Variants in ROBO1 observed in about 807,000 individuals in gnomAD.
ROBO1 encodes roundabout guidance receptor 1, also known as roundabout homolog 1.
In ROBO1, 149 loss-of-function variants were observed where a neutral mutation model predicts 195.9. The observed-to-expected ratio is 0.76, with a 90% CI of 0.67 to 0.87. ROBO1 has a LOEUF of 0.87. ROBO1 is among the 40% of genes least tolerant of loss of function. The pLI, the probability that ROBO1 is intolerant of heterozygous loss-of-function variation, is 0.00. For missense variants in ROBO1, 1,933 were observed against 2,068.3 expected (o/e 0.93, Z 1.27); for synonymous variants, 816 against 733.2 (o/e 1.11, Z -1.82).
At chr3:79,127,019 A>G (rs1330756319) in intron 2 of ROBO1, among the ~76,000 whole-genome samples, 1 of 152,104 alleles carries the variant, frequency 6.6e-6, no homozygotes, top group Non-Finnish European at 1.5e-5. Context: ...AAAAAAAAAA[A>G]AAAGTTAAGA....
chr3:78,935,370 G>C (rs1413880802), intron 4 of ROBO1, among the ~76,000 whole-genome samples: 1 of 152,002 alleles, frequency 6.6e-6, no homozygotes, highest in South Asian at 2.1e-4. Context: ...AGATGATGTA[G>C]AGAGCCATGT....
Position 78,598,143 on chromosome 3 carries a change from C to T in ROBO1, c.*770G>A, listed in dbSNP as rs1338370236. 6.6e-6 allele frequency: 1 copy of T among 152,476 alleles called. No homozygotes were observed. The highest frequency in any genetic ancestry group is 1.5e-5 in the Non-Finnish European group (1 of 68,006). The allele number at this position is 152,476 out of a possible 1,614,324, so 9.4% of individuals were successfully genotyped here. ...TGTTTGTAATACGTATTTATAATTA[C>T]TTTTTGATGATTGAAAAATAGAACA... On this transcript the variant is annotated 3_prime_UTR_variant, in exon 31 of 31. Transcript: ENST00000464233.
At chr3:79,474,995 TTGTC>T (rs1200769189) in intron 2 of ROBO1, among the ~76,000 whole-genome samples, 4 of 151,984 alleles carry the variant, frequency 2.6e-5, no homozygotes, top group African/African-American at 9.7e-5. Context: ...CTGGCTGAAA[TTGTC>T]TTAGAAGGAT....
chr3:78,720,145 C>T (rs2082006548), intron 5 of ROBO1, among the ~76,000 whole-genome samples: 1 of 152,132 alleles, frequency 6.6e-6, no homozygotes, highest in Admixed American at 6.6e-5. Flanking sequence ...TGTCAGTCCC[C>T]TGACCTTAGT....
intron 4 of ROBO1, among the ~76,000 whole-genome samples, chr3:78,787,451 G>C (rs77376822): frequency 0.02 from 3,114 of 152,274 alleles, 100 homozygotes; most frequent in African/African-American, 0.07. Flanking sequence ...GAAGCAAGAT[G>C]TCGATGATTT....
At chr3:79,117,525 G>A (rs534960586) in intron 3 of ROBO1, among the ~76,000 whole-genome samples, 3 of 152,220 alleles carry the variant, frequency 2.0e-5, no homozygotes, top group Non-Finnish European at 2.9e-5. Flanking sequence ...AATAGAGTGC[G>A]CCTGACCTGG....
Position 79,345,463 on chromosome 3 carries a change from T to C in ROBO1, c.89-219924A>G, listed in dbSNP as rs557157778. ...CTTCTTCCTTTTATCTAGATGGCTT[T>C]TGCTCTCTGGGGGCAAACGATTCCA... On this transcript the variant is annotated intron_variant, in intron 2 of 30. Coordinates refer to ENST00000464233, the MANE Select transcript of ROBO1 (RefSeq NM_002941.4). Among the ~76,000 whole-genome samples the C allele has an allele frequency of 1.4e-4, 21 of 152,238 alleles. 1 individual carries two copies. The highest frequency in any genetic ancestry group is 4.6e-4 in the African/African-American group (19 of 41,552).
At chr3:79,396,381 G>A (rs556464716) in intron 2 of ROBO1, among the ~76,000 whole-genome samples, 3 of 151,886 alleles carry the variant, frequency 2.0e-5, no homozygotes, top group Non-Finnish European at 4.4e-5. Flanking sequence ...GTGACATTGG[G>A]AAGTATAAGT....
At chr3:79,700,301 GTTTGTGTGTGTGTGTT>G (rs1164821377) in intron 1 of ROBO1, among the ~76,000 whole-genome samples, 1 of 130,470 alleles carries the variant, frequency 7.7e-6, no homozygotes, top group Non-Finnish European at 1.6e-5. Flanking sequence ...GTGTGTGTGT[GTTTGTGTGTGTGTGTT>G]TGTGTGTGTG....
Position 79,196,472 on chromosome 3 carries a change from A to G in ROBO1, c.89-70933T>C, listed in dbSNP as rs559643648. On this transcript the variant is annotated intron_variant, in intron 2 of 30. Coordinates refer to ENST00000464233, the MANE Select transcript of ROBO1 (RefSeq NM_002941.4). ...AGAGCGAGTGATTGAGAATAAAAAC[A>G]TTTTCACAATCCAAATTAGTGCAGC... Among the ~76,000 whole-genome samples the G allele has an allele frequency of 5.3e-5, 8 of 151,684 alleles. No individual in the cohort carries two copies. In the South Asian group the frequency reaches 1.7e-3, roughly 31 times the overall value.
intron 2 of ROBO1, among the ~76,000 whole-genome samples, chr3:79,408,859 A>G (rs991876124): frequency 6.6e-6 from 1 of 152,154 alleles, no homozygotes; most frequent in Non-Finnish European, 1.5e-5. Context: ...CAAGAGCAAA[A>G]CCATATTCAA....
At chr3:78,700,764 C>CT (rs71127355) in intron 8 of ROBO1, among the ~76,000 whole-genome samples, 3,836 of 144,336 alleles carry the variant, frequency 0.027, 180 homozygotes, top group African/African-American at 0.093. Context: ...ATCTTTTTTT[C>CT]TTTTTTTTTT....
At chr3:78,905,888 A>G (rs541801902) in intron 4 of ROBO1, among the ~76,000 whole-genome samples, 1 of 152,074 alleles carries the variant, frequency 6.6e-6, no homozygotes, top group Non-Finnish European at 1.5e-5. Flanking sequence ...CGGGGGCAGG[A>G]TTTGGATCTA....
chr3:79,487,166 A>G (rs1034228202), intron 2 of ROBO1, among the ~76,000 whole-genome samples: 1 of 1,902 alleles, frequency 5.3e-4, no homozygotes, highest in East Asian at 0.026. Flanking sequence ...TATGTAATAT[A>G]CATAAAATGT....
intron 1 of ROBO1, among the ~76,000 whole-genome samples, chr3:79,755,180 C>G (rs1704321152): frequency 6.6e-6 from 1 of 152,086 alleles, no homozygotes; most frequent in African/African-American, 2.4e-5. Context: ...GTTCCAGGCC[C>G]TGATATCACT....
chr3:79,019,183 C>T, intron 3 of ROBO1: 1 of 986,582 alleles, frequency 1.0e-6, no homozygotes, highest in Non-Finnish European at 1.2e-6. Context: ...CAGCCCCGCG[C>T]GGCGCCCAAC....
intron 1 of ROBO1, among the ~76,000 whole-genome samples, chr3:79,749,687 C>G (rs1427617883): frequency 1.3e-5 from 2 of 152,188 alleles, no homozygotes; most frequent in African/African-American, 4.8e-5. Flanking sequence ...GGTGCAAGCC[C>G]CAAGCCTTAG....
At chr3:78,913,077 A>T (rs945754552) in intron 4 of ROBO1, among the ~76,000 whole-genome samples, 1 of 152,158 alleles carries the variant, frequency 6.6e-6, no homozygotes, top group African/African-American at 2.4e-5. Flanking sequence ...AATAAAATGT[A>T]TATTTACCAT....
At chr3:79,293,357 A>T (rs2032376226) in intron 2 of ROBO1, among the ~76,000 whole-genome samples, 1 of 151,954 alleles carries the variant, frequency 6.6e-6, no homozygotes, top group South Asian at 2.1e-4. Flanking sequence ...TTTTTGAAGG[A>T]CTTTTTATAT....
Sources: allele counts gnomAD v4.1 joint callset (sites outside exome capture counted in the v4.1 genomes callset), GRCh38; gene constraint gnomAD v4.1.1; transcripts MANE v1.5; gene names NCBI Gene and HGNC (gene_info 2026-07-23, HGNC 2026-07-21).